SOX5: variants seen among roughly 807,000 people sequenced by gnomAD.
SOX5 encodes SRY-box transcription factor 5, also known as transcription factor SOX-5.
In SOX5, 9 loss-of-function variants were observed where a neutral mutation model predicts 92.0. That is an observed-to-expected ratio of 0.10 (90% CI 0.06 to 0.17). The LOEUF is 0.17. SOX5 is among the 10% of genes least tolerant of loss of function. The pLI is 1.00. For synonymous variants in SOX5, 344 were observed against 336.3 expected, an observed-to-expected ratio of 1.02 and a Z score of -0.25; for missense variants, 642 against 944.5, an observed-to-expected ratio of 0.68 and a Z score of 4.20.
Position 23,838,846 on chromosome 12 carries a change from G to GTT in SOX5, c.481+7136_481+7137insAA, listed in dbSNP as rs1555374990. On this transcript the variant is annotated intron_variant, in intron 3 of 14. Transcript: ENST00000451604. Reference sequence around the variant, plus strand: ...ATTCCCAGTAGTTCTTTTTTTTTGGGGGGGGGGGGCGGGGATGGAGTCTCG... The same window carrying GTT: ...ATTCCCAGTAGTTCTTTTTTTTTGGGTTGGGGGGGGGCGGGGATGGAGTCTCG... 5.4e-4 allele frequency among the ~76,000 whole-genome samples: 52 copies of GTT among 95,780 alleles called. 3 individuals carry two copies. In the East Asian group the frequency reaches 7.9e-3, roughly 14 times the overall value. 62.8% of individuals were successfully genotyped at this position (95,780 alleles called of 152,430 possible).
chr12:24,283,422 G>T (rs923399137), intron 2 of SOX5, among the ~76,000 whole-genome samples: 13 of 152,192 alleles, frequency 8.5e-5, no homozygotes, highest in South Asian at 6.2e-4. Flanking sequence ...GGAAGGCCAG[G>T]ACTGTTGCTT....
At chr12:23,549,216 T>G (rs1298248901) in intron 11 of SOX5, among the ~76,000 whole-genome samples, 5 of 151,982 alleles carry the variant, frequency 3.3e-5, no homozygotes, top group Non-Finnish European at 7.4e-5. Flanking sequence ...GGACAGTAGA[T>G]TTCAGGTAAG....
At chr12:23,571,837 C>T (rs1006139834) in intron 10 of SOX5, among the ~76,000 whole-genome samples, 2 of 152,016 alleles carry the variant, frequency 1.3e-5, no homozygotes, top group Non-Finnish European at 2.9e-5. Flanking sequence ...AAATAACAAG[C>T]TTTGACTAGA....
intron 3 of SOX5, among the ~76,000 whole-genome samples, chr12:24,243,726 T>C (rs569405013): frequency 5.3e-4 from 81 of 152,238 alleles, no homozygotes; most frequent in Middle Eastern, 3.4e-3. Context: ...TTATGTACTT[T>C]TAAATTTTAT....
chr12:23,896,005 C>T lies in SOX5; in HGVS notation c.58G>A (p.Ala20Thr), dbSNP rs746451995. The T allele has an allele frequency of 6.2e-7, 1 of 1,613,482 alleles. No homozygotes were observed. The highest frequency in any genetic ancestry group is 8.5e-7 in the Non-Finnish European group (1 of 1,179,578). ...CCATCTGCTTCCCCATACGGAGAGGCTGGTCGCTTGGAAGACATCCTGGAA... is the reference window on the plus strand; with the variant it reads ...CCATCTGCTTCCCCATACGGAGAGGTTGGTCGCTTGGAAGACATCCTGGAA... Reference protein sequence around the residue: ...EFERMSSKRPASPYGEADGEV... With the variant: ...EFERMSSKRPTSPYGEADGEV... The change falls in exon 2 of 15, where the codon GCC becomes ACC. Residue 20 changes from alanine (A) to threonine (T), a missense_variant. Physicochemically the swap from Ala to Thr is moderately conservative, Grantham distance 58. Transcript: ENST00000451604.
intron 9 of SOX5, among the ~76,000 whole-genome samples, chr12:23,577,189 A>AT (rs1348454616): frequency 4.8e-4 from 34 of 71,272 alleles, no homozygotes; most frequent in African/African-American, 1.4e-3. Context: ...ATATATATAT[A>AT]TATTTTTTTT....
chr12:24,350,500 T>G (rs981749364), intron 2 of SOX5, among the ~76,000 whole-genome samples: 3 of 152,044 alleles, frequency 2.0e-5, no homozygotes, highest in African/African-American at 7.2e-5. Flanking sequence ...CGTGCCACCA[T>G]GCCCAGCTAA....
chr12:24,330,801 C>T (rs553990371), intron 2 of SOX5, among the ~76,000 whole-genome samples: 3 of 152,260 alleles, frequency 2.0e-5, no homozygotes, highest in South Asian at 2.1e-4. Flanking sequence ...TTGGAGTTAT[C>T]GCCTCTGAAA....
At chr12:24,003,865 T>G (rs1271804437) in intron 4 of SOX5, among the ~76,000 whole-genome samples, 1 of 151,640 alleles carries the variant, frequency 6.6e-6, no homozygotes, top group African/African-American at 2.4e-5. Context: ...AAGAATGAAA[T>G]TGGAGGTCAT....
At chr12:23,971,371 C>T (rs1488180349) in intron 4 of SOX5, among the ~76,000 whole-genome samples, 1 of 151,376 alleles carries the variant, frequency 6.6e-6, no homozygotes, top group Non-Finnish European at 1.5e-5. Flanking sequence ...ATCCACCTGC[C>T]TCAGCCTCCC....
At chr12:23,607,620 A>G (rs916678914) in intron 8 of SOX5, among the ~76,000 whole-genome samples, 1 of 151,064 alleles carries the variant, frequency 6.6e-6, no homozygotes, top group Non-Finnish European at 1.5e-5. Flanking sequence ...ACGTTCTTAA[A>G]GCAAAATCAA....
At chr12:24,015,052 G>C (rs1953430359) in intron 4 of SOX5, among the ~76,000 whole-genome samples, 1 of 151,822 alleles carries the variant, frequency 6.6e-6, no homozygotes, top group Non-Finnish European at 1.5e-5. Context: ...CATTGTTGTG[G>C]AGCTAGGTTC....
At chr12:24,446,768 T>C (rs1223420312) in intron 1 of SOX5, among the ~76,000 whole-genome samples, 1 of 152,104 alleles carries the variant, frequency 6.6e-6, no homozygotes, top group Non-Finnish European at 1.5e-5. Flanking sequence ...ACATAATATA[T>C]GTTTTATATC....
intron 1 of SOX5, among the ~76,000 whole-genome samples, chr12:24,520,194 A>G (rs1950146770): frequency 6.6e-6 from 1 of 152,176 alleles, no homozygotes; most frequent in Non-Finnish European, 1.5e-5. Context: ...GAGTCCTTTG[A>G]ATTGAAATGA....
In SOX5 at chr12:23,546,417, G is replaced by C. The variant is rs1943141801; in HGVS notation, c.1496C>G (p.Thr499Arg). 2 of 1,584,076 alleles carry C rather than the reference G, an allele frequency of 1.3e-6. No homozygotes were observed. The highest frequency in any genetic ancestry group is 1.7e-6 in the Non-Finnish European group (2 of 1,157,966). Residue 499 changes from threonine (T) to arginine (R), a missense_variant, in exon 12 of 15, where the codon ACA (threonine) becomes AGA (arginine). Thr to Arg is a moderately conservative substitution (Grantham distance 71). Transcript: ENST00000451604. ...TTGCTGAGTCAGACTCTCCAGTGTT[G>C]TTTTTTCCTTTAAAAAAATTATAAT... Reference protein sequence around the residue: ...LNNCRTEKEKTTLESLTQQLA... With the variant: ...LNNCRTEKEKRTLESLTQQLA...
At chr12:24,521,076 A>G (rs1323557482) in intron 1 of SOX5, among the ~76,000 whole-genome samples, 2 of 152,196 alleles carry the variant, frequency 1.3e-5, no homozygotes, top group Admixed American at 1.3e-4. Flanking sequence ...TCTTTGAGAC[A>G]AAGTCTCGCT....
intron 4 of SOX5, among the ~76,000 whole-genome samples, chr12:23,748,583 A>G (rs1641437744): frequency 6.6e-6 from 1 of 152,074 alleles, no homozygotes; most frequent in Admixed American, 6.6e-5. Context: ...CACTTTAGAA[A>G]AAAATGTCCT....
At chr12:23,748,171 A>G (rs1437895560) in intron 4 of SOX5, among the ~76,000 whole-genome samples, 2 of 151,920 alleles carry the variant, frequency 1.3e-5, no homozygotes, top group Non-Finnish European at 2.9e-5. Flanking sequence ...CTCCCAGTAG[A>G]GTATAAGCTT....
chr12:24,247,920 C>T (rs1028454673), intron 3 of SOX5, among the ~76,000 whole-genome samples: 2 of 152,116 alleles, frequency 1.3e-5, no homozygotes, highest in African/African-American at 4.8e-5. Flanking sequence ...TCCCAAAGTG[C>T]TGGGATTACA....
Sources: allele counts gnomAD v4.1 joint callset (sites outside exome capture counted in the v4.1 genomes callset), GRCh38; gene constraint gnomAD v4.1.1; transcripts MANE v1.5; gene names NCBI Gene and HGNC (gene_info 2026-07-23, HGNC 2026-07-21).